The following SUPT3H variants were observed in gnomAD, a reference collection of about 807,000 sequenced individuals.
SUPT3H encodes the protein SPT3 homolog, SAGA and STAGA complex component.
SUPT3H carries 44 observed loss-of-function variants against 44.3 expected under a neutral mutation model. The ratio of observed to expected loss-of-function variants is 0.99; its 90% CI spans 0.78 to 1.28. The LOEUF (loss-of-function observed/expected upper bound fraction) is 1.28. Ranked by LOEUF, SUPT3H falls within the 50% of genes most tolerant of loss-of-function variation. SUPT3H has a pLI of 0.00. For missense variants in SUPT3H, 380 were observed against 387.1 expected (o/e 0.98, Z 0.15); for synonymous variants, 124 against 125.6 (o/e 0.99, Z 0.09).
At chr6:45,360,600 T>C (rs988807686) in intron 2 of SUPT3H, among the ~76,000 whole-genome samples, 3 of 152,118 alleles carry the variant, frequency 2.0e-5, no homozygotes, top group Admixed American at 6.5e-5. Context: ...TTCATAATAC[T>C]TAAAAAATAG....
intron 6 of SUPT3H, among the ~76,000 whole-genome samples, chr6:44,968,291 A>G (rs1393247840): frequency 6.6e-6 from 1 of 152,218 alleles, no homozygotes; most frequent in East Asian, 1.9e-4. Flanking sequence ...CAATGCGGCA[A>G]CATGTAAATT....
chr6:44,858,929 G>A (rs1774166354), intron 10 of SUPT3H, among the ~76,000 whole-genome samples: 1 of 152,204 alleles, frequency 6.6e-6, no homozygotes, highest in Admixed American at 6.5e-5. Flanking sequence ...ACTCATCCAG[G>A]ATGACAAAAA....
intron 2 of SUPT3H, among the ~76,000 whole-genome samples, chr6:45,205,408 T>C (rs1267251113): frequency 3.9e-5 from 6 of 152,206 alleles, no homozygotes; most frequent in Non-Finnish European, 7.3e-5. Context: ...TGGCATACCA[T>C]TCCACAATTA....
intron 2 of SUPT3H, among the ~76,000 whole-genome samples, chr6:45,286,765 A>G (rs1423762469): frequency 1.3e-5 from 2 of 152,118 alleles, no homozygotes; most frequent in Non-Finnish European, 2.9e-5. Flanking sequence ...GGATTATAAA[A>G]CATGCTGCTA....
Position 44,829,807 on chromosome 6 carries a change from G to C in SUPT3H, c.*9C>G. The stretch of plus-strand genomic sequence containing the variant: ...TTCCTGTTGTTGCAGGCACATCACA[G>C]TTGTCACATCAGCAGGCTAGAAAAG... On this transcript the variant is annotated 3_prime_UTR_variant, in exon 11 of 11. Transcript: ENST00000371459. 1.9e-6 allele frequency: 3 copies of C among 1,612,854 alleles called. No homozygotes were observed. Among genetic ancestry groups the C allele is most frequent in the South Asian group, 2.2e-5 (2 of 91,006 alleles).
At chr6:45,069,832 C>T (rs1583379102) in intron 3 of SUPT3H, among the ~76,000 whole-genome samples, 1 of 150,610 alleles carries the variant, frequency 6.6e-6, no homozygotes, top group South Asian at 2.1e-4. Flanking sequence ...TAATTTTCTG[C>T]AGGTCTCAGA....
chr6:45,131,720 T>C (rs1329217719), intron 2 of SUPT3H, among the ~76,000 whole-genome samples: 1 of 152,216 alleles, frequency 6.6e-6, no homozygotes, highest in Non-Finnish European at 1.5e-5. Context: ...ACTACTGTAA[T>C]ATAGCTAAGC....
chr6:45,280,792 T>G (rs1777897780), intron 2 of SUPT3H, among the ~76,000 whole-genome samples: 1 of 151,860 alleles, frequency 6.6e-6, no homozygotes, highest in Non-Finnish European at 1.5e-5. Context: ...TTATTAAGAA[T>G]AGTTTATGCC....
At chr6:44,986,744 T>C (rs1362719534) in intron 6 of SUPT3H, among the ~76,000 whole-genome samples, 2 of 152,086 alleles carry the variant, frequency 1.3e-5, no homozygotes, top group African/African-American at 4.8e-5. Context: ...GCATCTACTA[T>C]TATTACACTC....
intron 4 of SUPT3H, among the ~76,000 whole-genome samples, chr6:45,016,486 C>T (rs1436713594): frequency 9.8e-6 from 1 of 102,170 alleles, no homozygotes. Context: ...CATGCTAACC[C>T]TCCCCCCTCC....
chr6:45,372,762 A>C (rs1796260794), intron 1 of SUPT3H, among the ~76,000 whole-genome samples: 2 of 152,010 alleles, frequency 1.3e-5, no homozygotes, highest in Non-Finnish European at 2.9e-5. Context: ...GGGCTCAAGC[A>C]ATCCTCCCAC....
At chr6:45,058,051 A>T (rs1791411813) in intron 3 of SUPT3H, among the ~76,000 whole-genome samples, 1 of 152,162 alleles carries the variant, frequency 6.6e-6, no homozygotes, top group African/African-American at 2.4e-5. Context: ...ATCTTTTTAG[A>T]CACACGAATG....
intron 10 of SUPT3H, among the ~76,000 whole-genome samples, chr6:44,911,717 T>C (rs767897502): frequency 9.2e-5 from 14 of 152,226 alleles, no homozygotes; most frequent in Non-Finnish European, 1.3e-4. Flanking sequence ...GCACTTTACA[T>C]CTAGGCCTAA....
rs531270522 is a variant in SUPT3H, at chr6:44,830,069, A to G, written c.913-212T>C. On this transcript the variant is annotated intron_variant, in intron 10 of 10. Coordinates refer to ENST00000371459, the MANE Select transcript of SUPT3H (RefSeq NM_003599.4). ...TGGTTAACAAGTGGTTAGTGATTCT[A>G]TTTTTGGGAAGTAGCAGATACATAA... 2.6e-5 allele frequency among the ~76,000 whole-genome samples: 4 copies of G among 152,274 alleles called. No homozygotes were observed. In the East Asian group the frequency reaches 7.7e-4, roughly 29 times the overall value.
At chr6:45,128,553 TATATAC>T (rs1423413888) in intron 2 of SUPT3H, among the ~76,000 whole-genome samples, 7,213 of 64,290 alleles carry the variant, frequency 0.11, 538 homozygotes, top group Non-Finnish European at 0.15. Context: ...TATATATATA[TATATAC>T]ACACACACAC....
chr6:45,142,594 G>C (rs1379156376), intron 2 of SUPT3H, among the ~76,000 whole-genome samples: 1 of 151,666 alleles, frequency 6.6e-6, no homozygotes, highest in African/African-American at 2.4e-5. Flanking sequence ...AAATTAGTCG[G>C]GTGTGGTGGT....
intron 2 of SUPT3H, among the ~76,000 whole-genome samples, chr6:45,274,052 C>G (rs952596151): frequency 6.6e-6 from 1 of 152,212 alleles, no homozygotes; most frequent in South Asian, 2.1e-4. Flanking sequence ...TAGCTAATGA[C>G]ATTGAGCATC....
At chr6:45,112,230 A>G (rs2153574818) in intron 2 of SUPT3H, among the ~76,000 whole-genome samples, 1 of 152,166 alleles carries the variant, frequency 6.6e-6, no homozygotes, top group Non-Finnish European at 1.5e-5. Context: ...ATCAAATTGC[A>G]CAGAGTAAAC....
intron 3 of SUPT3H, among the ~76,000 whole-genome samples, chr6:45,105,593 C>A (rs761278373): frequency 4.6e-5 from 7 of 152,102 alleles, no homozygotes; most frequent in Non-Finnish European, 1.0e-4. Context: ...TTACAAAATG[C>A]TAACAACCAT....
Sources: gnomAD v4.1 joint callset for allele counts (sites outside exome capture counted in the v4.1 genomes callset) on GRCh38, gnomAD v4.1.1 for gene constraint, MANE v1.5 for transcripts, NCBI Gene and HGNC (gene_info 2026-07-23, HGNC 2026-07-21) for gene names.